ADGRB2: variants seen among roughly 807,000 people sequenced by gnomAD.
ADGRB2 encodes brain-specific angiogenesis inhibitor 2.
In ADGRB2, 47 loss-of-function variants were observed where a neutral mutation model predicts 178.7. That is an observed-to-expected ratio of 0.26 (90% CI 0.21 to 0.34). The LOEUF is 0.34. Ranked by LOEUF, ADGRB2 falls within the 10% of genes least tolerant of loss-of-function variation. The pLI, the probability that ADGRB2 is intolerant of heterozygous loss-of-function variation, is 1.00. For missense variants in ADGRB2, 1,584 were observed against 2,180.8 expected (o/e 0.73, Z 5.45); for synonymous variants, 870 against 912.4 (o/e 0.95, Z 0.84).
At position 31,727,571 on chromosome 1, in the gene ADGRB2, G is replaced by A. The variant is rs909604136; in HGVS notation, c.4607C>T (p.Ser1536Phe). ...KPSPGERPSL[S>F]QHRRHQSWST... ...CCAGCTCTGATGGCGCCGATGTTGG[G>A]ACAAGCTGGGGCGCTCCCCAGGGCT... Residue 1536 changes from serine to phenylalanine, a missense_variant, in exon 33 of 33, where the codon TCC (serine) becomes TTC (phenylalanine). Around this residue, in one of 3 missense-constraint regions of ADGRB2, gnomAD observed 865 missense variants for 1,192.8 expected, o/e 0.73. Transcript: ENST00000373658. This position sits in a 1 kb window ranked among gnomAD's most constrained non-coding sequence, Gnocchi z 4.4. 7 of 1,568,338 alleles carry A rather than the reference G, an allele frequency of 4.5e-6. No individual in the cohort carries two copies. Among genetic ancestry groups the A allele is most frequent in the Non-Finnish European group, 6.0e-6 (7 of 1,164,192 alleles).
intron 1 of ADGRB2, among the ~76,000 whole-genome samples, chr1:31,762,997 G>A (rs941696060): frequency 2.0e-5 from 3 of 152,254 alleles, no homozygotes; most frequent in Admixed American, 6.5e-5. Context: ...CTGACTGCGG[G>A]AGTGGCCGCC....
rs745584899 is a variant in ADGRB2, at chr1:31,742,062, C to G, written c.1408G>C (p.Glu470Gln). The G allele has an allele frequency of 2.5e-6, 4 of 1,608,674 alleles. No individual in the cohort carries two copies. In the South Asian group the frequency reaches 3.3e-5, roughly 13 times the overall value. Residue 470 changes from glutamate to glutamine, a missense_variant, in exon 8 of 33, where the codon GAG (glutamate) becomes CAG (glutamine). Physicochemically the swap from Glu to Gln is conservative, Grantham distance 29. Transcript: ENST00000373658. ...LTDTRECSNL[E>Q]CPATDSKWGP... ...TGTGCCAAGCACTCACCCGGGCACT[C>G]GAGGTTGCTGCACTCCCGGGTGTCA...
rs551073695 is a variant in ADGRB2 at position 31,744,841 on chromosome 1, C to T, written c.839-110G>A. On this transcript the variant is annotated intron_variant, in intron 4 of 32. Coordinates refer to ENST00000373658, the MANE Select transcript of ADGRB2 (RefSeq NM_001364857.2). This position sits in a 1 kb window ranked among gnomAD's most constrained non-coding sequence, Gnocchi z 6.7. ...CCTCCGCCTGAGGGCCTGGAACCAA[C>T]TGCATGATGCTCTCTCAGGATCACA... is the stretch of plus-strand genomic sequence containing the variant. 6 of 968,522 alleles carry T rather than the reference C, an allele frequency of 6.2e-6. No individual in the cohort carries two copies. The Admixed American group carries it at 7.8e-5, about 13-fold the overall frequency. 60.0% of individuals were successfully genotyped at this position (968,522 alleles called of 1,614,324 possible). A position where few individuals can be genotyped will look rare whatever the true frequency, so the allele number is the denominator to read the frequency against.
In ADGRB2 at chr1:31,744,715, C is replaced by A; in HGVS notation, c.855G>T (p.Glu285Asp). The change falls in exon 5 of 33, where the codon GAG (glutamate) becomes GAT (aspartate). Residue 285 changes from glutamate (E) to aspartate (D), a missense_variant. This residue lies in a region of ADGRB2 where 657 missense variants were observed against 847.6 expected (regional missense o/e 0.78). Transcript: ENST00000373658. The surrounding 1 kb of genome is among the most constrained non-coding windows in gnomAD (Gnocchi z 6.7). Reference protein sequence around the residue: ...TEMRYGEEPEEEPKVKTQWPR... With the variant: ...TEMRYGEEPEDEPKVKTQWPR... ...GCCACTGGGTTTTCACTTTCGGTTCCTCTTCCGGCTCCTCACCTGGAACAC... is the reference window on the plus strand; with the variant it reads ...GCCACTGGGTTTTCACTTTCGGTTCATCTTCCGGCTCCTCACCTGGAACAC... 6.2e-7 allele frequency: 1 copy of A among 1,614,228 alleles called. No homozygotes were observed. Among genetic ancestry groups the A allele is most frequent in the Non-Finnish European group, 8.5e-7 (1 of 1,180,030 alleles).
In ADGRB2 at chr1:31,764,164, C is replaced by G. The variant is rs1224112896; in HGVS notation, c.-471G>C. 1.7e-6 allele frequency: 1 copy of G among 598,798 alleles called. No homozygotes were observed. Among genetic ancestry groups the G allele is most frequent in the Non-Finnish European group, 2.1e-6 (1 of 480,646 alleles). The allele number at this position is 598,798 out of a possible 1,614,324, so 37.1% of individuals were successfully genotyped here. On this transcript the variant is annotated 5_prime_UTR_variant, in exon 1 of 33. Coordinates refer to ENST00000373658, the MANE Select transcript of ADGRB2 (RefSeq NM_001364857.2). The surrounding 1 kb of genome is among the most constrained non-coding windows in gnomAD (Gnocchi z 7.3). ...GCCGCCCCCCGCTCCCCCGCTCCCC[C>G]GCCCCGAGCACCGCCCGCGCCGCGC...
rs1209617108 is a variant in ADGRB2 at position 31,735,023 on chromosome 1, C to T, written c.3452+160G>A. Among the ~76,000 whole-genome samples the T allele has an allele frequency of 6.6e-6, 1 of 152,158 alleles. No individual in the cohort carries two copies. The highest frequency in any genetic ancestry group is 1.5e-5 in the Non-Finnish European group (1 of 68,008). On this transcript the variant is annotated intron_variant, in intron 25 of 32. Transcript: ENST00000373658. The surrounding 1 kb of genome is among the most constrained non-coding windows in gnomAD (Gnocchi z 6.0). The stretch of plus-strand genomic sequence containing the variant: ...ATCCACTCCTCATCGCCTTGGCCAC[C>T]TCTTGCCGAGCCCTTGAGAGTGTGT...
At position 31,728,384 on chromosome 1, in the gene ADGRB2, C is replaced by T; in HGVS notation, c.4417-104G>A. ...AAGCCCCCCACATCCCTCCCTGCTG[C>T]CAGCCCCTCTGGGACAAGACCTAGT... On this transcript the variant is annotated intron_variant, in intron 30 of 32. Transcript: ENST00000373658. The surrounding 1 kb of genome is among the most constrained non-coding windows in gnomAD (Gnocchi z 6.7). 5.1e-6 allele frequency: 7 copies of T among 1,362,124 alleles called. No individual in the cohort carries two copies. The highest frequency in any genetic ancestry group is 1.0e-6 in the Non-Finnish European group (1 of 969,246). The allele number at this position is 1,362,124 out of a possible 1,614,324, so 84.4% of individuals were successfully genotyped here. A position where few individuals can be genotyped will look rare whatever the true frequency, so the allele number is the denominator to read the frequency against.
At position 31,756,365 on chromosome 1, in the gene ADGRB2, C is replaced by G; in HGVS notation, c.472G>C (p.Val158Leu). ...FTFLHFDKNF[V>L]QLCLSAEPSE... ...GGCTCAGCCGACAGGCACAGCTGCA[C>G]GAAGTTCTTGTCGAAGTGCAGGAAG... The change falls in exon 4 of 33, where the codon GTG becomes CTG. Residue 158 changes from valine to leucine, a missense_variant. Physicochemically the swap from Val to Leu is conservative, Grantham distance 32. This residue lies in a region of ADGRB2 where 657 missense variants were observed against 847.6 expected (regional missense o/e 0.78). Coordinates refer to ENST00000373658, the MANE Select transcript of ADGRB2 (RefSeq NM_001364857.2). The surrounding 1 kb of genome is among the most constrained non-coding windows in gnomAD (Gnocchi z 8.5). 1 of 1,612,988 alleles carries G rather than the reference C, an allele frequency of 6.2e-7. No homozygotes were observed. Among genetic ancestry groups the G allele is most frequent in the Non-Finnish European group, 8.5e-7 (1 of 1,179,966 alleles).
chr1:31,738,863 A>AG lies in ADGRB2; in HGVS notation c.2569dup (p.Leu857ProfsTer36). 6.2e-7 allele frequency: 1 copy of AG among 1,613,968 alleles called. No individual in the cohort carries two copies. Among genetic ancestry groups the AG allele is most frequent in the Non-Finnish European group, 8.5e-7 (1 of 1,179,990 alleles). On this transcript the variant is annotated frameshift_variant, in exon 16 of 33. Transcript: ENST00000373658. LOFTEE classifies it high-confidence loss of function. ...GATGTAGGAGAGCTCCACAGTGATG[A>AG]GGGGCTCAGCTGGAGGCTGGGTAGG...
At position 31,728,317 on chromosome 1, in the gene ADGRB2, G is replaced by A; in HGVS notation, c.4417-37C>T. The A allele has an allele frequency of 6.3e-7, 1 of 1,597,498 alleles. No individual in the cohort carries two copies. The highest frequency in any genetic ancestry group is 2.2e-5 in the East Asian group (1 of 44,676). On this transcript the variant is annotated intron_variant, in intron 30 of 32. Transcript: ENST00000373658. The surrounding 1 kb of genome is among the most constrained non-coding windows in gnomAD (Gnocchi z 6.7). ...AGGGCATCAGAGGGTCGCTCCCCGG[G>A]GCAGCACCATGATCCCCCCTACCCA...
At chr1:31,751,233 C>CCTGAGAGCT (rs1445799217) in intron 4 of ADGRB2, among the ~76,000 whole-genome samples, 4 of 152,232 alleles carry the variant, frequency 2.6e-5, no homozygotes, top group African/African-American at 9.6e-5. Flanking sequence ...AGCCCTTCCT[C>CCTGAGAGCT]CTGAGAGCTT....
At chr1:31,745,281 A>C (rs933389836) in intron 4 of ADGRB2, among the ~76,000 whole-genome samples, 3 of 152,200 alleles carry the variant, frequency 2.0e-5, no homozygotes, top group Non-Finnish European at 4.4e-5. Flanking sequence ...CTCCCCAAGC[A>C]GCACTGGACT....
At position 31,735,268 on chromosome 1, in the gene ADGRB2, G is replaced by T; in HGVS notation, c.3367C>A (p.Pro1123Thr). The T allele has an allele frequency of 5.4e-6, 8 of 1,474,734 alleles. No individual in the cohort carries two copies. Among genetic ancestry groups the T allele is most frequent in the Non-Finnish European group, 7.2e-6 (8 of 1,104,886 alleles). The allele number at this position is 1,474,734 out of a possible 1,614,324, so 91.4% of individuals were successfully genotyped here. A position where few individuals can be genotyped will look rare whatever the true frequency, so the allele number is the denominator to read the frequency against. The change falls in exon 25 of 33, where the codon CCC becomes ACC. Residue 1123 changes from proline (P) to threonine (T), a missense_variant. By Grantham distance (38) the Pro-to-Thr change is conservative. Around this residue, in one of 3 missense-constraint regions of ADGRB2, gnomAD observed 865 missense variants for 1,192.8 expected, o/e 0.73. Transcript: ENST00000373658. This position sits in a 1 kb window ranked among gnomAD's most constrained non-coding sequence, Gnocchi z 6.0. ...KKQRAGSERCPWASLLLPCSA... is the reference protein window; with the variant it reads ...KKQRAGSERCTWASLLLPCSA... ...CAGGGGAGGAGCAGGCTGGCCCAGG[G>T]GCACCGCTCCGACCTCGGGGGCGGC...
chr1:31,741,780 C>A lies in ADGRB2; in HGVS notation c.1585+20G>T, dbSNP rs956714430. ...GTCCACACATGGGGCCCCCAGCCCC[C>A]AGGGTCATTAGGGCAGTACCTGGAC... On this transcript the variant is annotated intron_variant, in intron 9 of 32. Transcript: ENST00000373658. This position sits in a 1 kb window ranked among gnomAD's most constrained non-coding sequence, Gnocchi z 6.5. The A allele has an allele frequency of 2.1e-5, 33 of 1,597,280 alleles. No homozygotes were observed. The highest frequency in any genetic ancestry group is 2.4e-5 in the Non-Finnish European group (28 of 1,168,634).
Position 31,740,683 on chromosome 1 carries a change from CA to C in ADGRB2, c.1795-143del. ...GGTCAGAGAGGCTCAAAGGGGCACA[CA>C]GGGGAGACAGAGTCCGAGAAAGAGA... On this transcript the variant is annotated intron_variant, in intron 11 of 32. Transcript: ENST00000373658. The surrounding 1 kb of genome is among the most constrained non-coding windows in gnomAD (Gnocchi z 5.9). 1 of 814,192 alleles carries C rather than the reference CA, an allele frequency of 1.2e-6. No homozygotes were observed. The highest frequency in any genetic ancestry group is 2.0e-5 in the South Asian group (1 of 50,514). The allele number at this position is 814,192 out of a possible 1,614,324, so 50.4% of individuals were successfully genotyped here. A position where few individuals can be genotyped will look rare whatever the true frequency, so the allele number is the denominator to read the frequency against.
At chr1:31,738,737 A>G in intron 16 of ADGRB2, 95 bp downstream of exon 16, 1 of 1,594,130 alleles carries the variant, frequency 6.3e-7, no homozygotes, top group Non-Finnish European at 8.6e-7. Context: ...TCCAGGGTTC[A>G]GCCCACCATC....
At chr1:31,745,136 C>T (rs763501199) in intron 4 of ADGRB2, among the ~76,000 whole-genome samples, 1 of 152,230 alleles carries the variant, frequency 6.6e-6, no homozygotes, top group Non-Finnish European at 1.5e-5. Flanking sequence ...GAGGGCTAGA[C>T]AGGGGAAGTG....
intron 22 of ADGRB2, 87 bp downstream of exon 22, chr1:31,736,233 GC>G: frequency 5.4e-6 from 8 of 1,472,050 alleles, no homozygotes; most frequent in Non-Finnish European, 7.5e-6. Context: ...CCCAAAACAG[GC>G]ATGGGCTAGG....
chr1:31,743,088 G>T, intron 6 of ADGRB2, 86 bp from the exon 7 acceptor site: 1 of 1,315,232 alleles, frequency 7.6e-7, no homozygotes, highest in Non-Finnish European at 9.8e-7. Context: ...CCAATCAGGA[G>T]CTCCGCAGCT....
Sources: allele counts gnomAD v4.1 joint callset (sites outside exome capture counted in the v4.1 genomes callset), GRCh38; gene constraint gnomAD v4.1.1; regional missense constraint gnomAD v4.1.1; non-coding constraint Gnocchi (gnomAD v3.1); transcripts MANE v1.5; gene names NCBI Gene and HGNC (gene_info 2026-07-23, HGNC 2026-07-21).